The following KCNH7 variants were observed in gnomAD, a reference collection of about 807,000 sequenced individuals.
The protein encoded by KCNH7 is voltage-gated inwardly rectifying potassium channel KCNH7.
Under a neutral mutation model 120.8 loss-of-function variants are expected in KCNH7, and 49 were observed. The ratio of observed to expected loss-of-function variants is 0.41; its 90% confidence interval spans 0.32 to 0.51. The LOEUF (loss-of-function observed/expected upper bound fraction) is 0.51, where lower values mean the gene tolerates loss of function less well. Ranked by LOEUF, KCNH7 falls within the 20% of genes least tolerant of loss-of-function variation. KCNH7 has a pLI of 0.38. For synonymous variants in KCNH7, 547 were observed against 516.1 expected (o/e 1.06, Z -0.81); for missense variants, 1,097 against 1,446.6 (o/e 0.76, Z 3.92).
intron 2 of KCNH7, among the ~76,000 whole-genome samples, chr2:162,787,539 A>G (rs900166841): frequency 2.0e-5 from 3 of 152,222 alleles, no homozygotes; most frequent in South Asian, 2.1e-4. Flanking sequence ...GTCCACACAC[A>G]TAATCACAGA....
intron 2 of KCNH7, among the ~76,000 whole-genome samples, chr2:162,606,978 T>G (rs1396381369): frequency 1.3e-5 from 2 of 152,132 alleles, no homozygotes; most frequent in Non-Finnish European, 2.9e-5. Flanking sequence ...TCACTAAAAT[T>G]GTTTTTTGAG....
chr2:162,513,015 T>G (rs1691131473), intron 4 of KCNH7, among the ~76,000 whole-genome samples: 1 of 151,828 alleles, frequency 6.6e-6, no homozygotes, highest in African/African-American at 2.4e-5. Flanking sequence ...AACAGCCAAT[T>G]TTAGTGTCTC....
intron 3 of KCNH7, among the ~76,000 whole-genome samples, chr2:162,526,517 A>G (rs915971790): frequency 1.3e-5 from 2 of 151,864 alleles, no homozygotes; most frequent in African/African-American, 4.8e-5. Context: ...AGAGGCCTAC[A>G]CTCAGGGATG....
intron 14 of KCNH7, among the ~76,000 whole-genome samples, chr2:162,377,277 A>G (rs192649800): frequency 6.6e-6 from 1 of 152,066 alleles, no homozygotes. Flanking sequence ...AAAAAAAAAA[A>G]GTGTGAAAAT....
intron 2 of KCNH7, among the ~76,000 whole-genome samples, chr2:162,778,697 A>C (rs755437406): frequency 3.5e-4 from 54 of 152,228 alleles, no homozygotes; most frequent in Non-Finnish European, 5.0e-4. Flanking sequence ...TTATTAAATC[A>C]CACAAAAAGA....
At chr2:162,530,802 T>C (rs1390053498) in intron 3 of KCNH7, among the ~76,000 whole-genome samples, 1 of 146,102 alleles carries the variant, frequency 6.8e-6, no homozygotes, top group Non-Finnish European at 1.5e-5. Flanking sequence ...GGTAGGAACA[T>C]TATACTTCAA....
chr2:162,568,567 G>C (rs1026050867), intron 2 of KCNH7, among the ~76,000 whole-genome samples: 27 of 151,960 alleles, frequency 1.8e-4, no homozygotes. Context: ...GTAAAGTTGA[G>C]TGACATATTA....
chr2:162,580,992 T>C (rs1054590622), intron 2 of KCNH7, among the ~76,000 whole-genome samples: 1 of 152,052 alleles, frequency 6.6e-6, no homozygotes, highest in East Asian at 1.9e-4. Flanking sequence ...CACACAAGGA[T>C]GGTCAATGAA....
intron 2 of KCNH7, among the ~76,000 whole-genome samples, chr2:162,831,071 T>C (rs143793534): frequency 1.2e-4 from 19 of 152,232 alleles, no homozygotes; most frequent in Non-Finnish European, 2.4e-4. Flanking sequence ...TATAGGTACA[T>C]CGAGTAGCAG....
At chr2:162,399,615 A>C (rs1393811929) in intron 10 of KCNH7, among the ~76,000 whole-genome samples, 1 of 151,808 alleles carries the variant, frequency 6.6e-6, no homozygotes, top group Non-Finnish European at 1.5e-5. Context: ...TTGCACCCAA[A>C]CCAGTTGAAG....
intron 2 of KCNH7, among the ~76,000 whole-genome samples, chr2:162,704,552 G>A (rs1012786972): frequency 2.0e-5 from 3 of 152,134 alleles, no homozygotes; most frequent in African/African-American, 7.2e-5. Context: ...TCTTTTTGAA[G>A]AGCTATTATT....
intron 6 of KCNH7, among the ~76,000 whole-genome samples, chr2:162,469,334 A>T (rs1254499281): frequency 6.6e-6 from 1 of 152,196 alleles, no homozygotes; most frequent in Non-Finnish European, 1.5e-5. Context: ...TATGCTTTTG[A>T]CCCTGTACCA....
intron 2 of KCNH7, among the ~76,000 whole-genome samples, chr2:162,650,645 C>T (rs1684532253): frequency 6.6e-6 from 1 of 152,148 alleles, no homozygotes; most frequent in Admixed American, 6.6e-5. Flanking sequence ...CAGGTACTCT[C>T]GCAGCACTGG....
chr2:162,744,921 T>A (rs1198142721), intron 2 of KCNH7, among the ~76,000 whole-genome samples: 4 of 152,184 alleles, frequency 2.6e-5, no homozygotes, highest in African/African-American at 9.7e-5. Context: ...GAAACAAGAT[T>A]GGTGTGTCAG....
At chr2:162,376,392 G>A (rs924338361) in intron 14 of KCNH7, among the ~76,000 whole-genome samples, 1 of 148,344 alleles carries the variant, frequency 6.7e-6, no homozygotes, top group Admixed American at 6.8e-5. Context: ...TTTAGATGGA[G>A]TCTTGCTCTG....
chr2:162,448,366 A>G (rs1475822824), intron 6 of KCNH7, among the ~76,000 whole-genome samples: 1 of 152,098 alleles, frequency 6.6e-6, no homozygotes, highest in Non-Finnish European at 1.5e-5. Flanking sequence ...TTTGGCTTTC[A>G]AAGTCATTAA....
chr2:162,515,857 G>A (rs867197345), intron 4 of KCNH7, among the ~76,000 whole-genome samples: 4 of 151,664 alleles, frequency 2.6e-5, no homozygotes, highest in African/African-American at 9.7e-5. Flanking sequence ...CTTTTTCTGA[G>A]CTATTGATTT....
At chr2:162,423,168 C>T in intron 9 of KCNH7, 168 bp downstream of exon 9, 2 of 1,396,534 alleles carry the variant, frequency 1.4e-6, no homozygotes, top group South Asian at 1.3e-5. Context: ...TAGCACCATG[C>T]AATGCCATGA....
chr2:162,401,597 T>C (rs1031073452), intron 9 of KCNH7, among the ~76,000 whole-genome samples: 3 of 151,936 alleles, frequency 2.0e-5, no homozygotes, highest in African/African-American at 7.2e-5. Context: ...ATTATTACTA[T>C]TTTTAAATAT....
Sources: gnomAD v4.1 joint callset for allele counts (sites outside exome capture counted in the v4.1 genomes callset) on GRCh38, gnomAD v4.1.1 for gene constraint, MANE v1.5 for transcripts, NCBI Gene and HGNC (gene_info 2026-07-23, HGNC 2026-07-21) for gene names.